The following PLEKHG1 variants were observed in gnomAD, a reference collection of about 807,000 sequenced individuals.
PLEKHG1 encodes the protein pleckstrin homology domain-containing family G member 1.
A neutral mutation model predicts 100.8 loss-of-function variants in PLEKHG1; 44 were observed. The ratio of observed to expected loss-of-function variants is 0.44; its 90% CI spans 0.34 to 0.56. The LOEUF is 0.56. Among genes scored for constraint, PLEKHG1 ranks in the 20% least tolerant of loss-of-function variants. The pLI, the probability that PLEKHG1 is intolerant of heterozygous loss-of-function variation, is 0.01. For missense variants in PLEKHG1, 1,545 were observed against 1,720.9 expected (o/e 0.90, Z 1.81); for synonymous variants, 640 against 662.5 (o/e 0.97, Z 0.52).
chr6:150,817,769 G>A (rs1318540648), intron 10 of PLEKHG1, among the ~76,000 whole-genome samples: 1 of 151,982 alleles, frequency 6.6e-6, no homozygotes, highest in East Asian at 1.9e-4. Flanking sequence ...TATTGGCCAG[G>A]CTGGTCTTGA....
chr6:150,677,810 A>C (rs1779810086), intron 3 of PLEKHG1, among the ~76,000 whole-genome samples: 1 of 151,932 alleles, frequency 6.6e-6, no homozygotes, highest in Non-Finnish European at 1.5e-5. Flanking sequence ...CTGGGAGTTC[A>C]GGGTTACAGT....
intron 3 of PLEKHG1, among the ~76,000 whole-genome samples, chr6:150,702,154 A>C (rs1780814682): frequency 6.6e-6 from 1 of 152,226 alleles, no homozygotes; most frequent in Non-Finnish European, 1.5e-5. Flanking sequence ...CAGAAATACA[A>C]CTGGACAACA....
rs1443041255 is a variant in PLEKHG1 at position 150,670,736 on chromosome 6, ATAATGT to A, written c.-99+19954_-99+19959del. On this transcript the variant is annotated intron_variant, in intron 3 of 3. Coordinates refer to the PLEKHG1 transcript ENST00000367326. ...AGTCCATTTGGCTGAGGGAAATGAC[ATAATGT>A]TAACGCTTATGTTGCTTCTTTTTCT... 4.6e-5 allele frequency among the ~76,000 whole-genome samples: 7 copies of A among 152,326 alleles called. No homozygotes were observed. The East Asian group carries it at 1.3e-3, about 29-fold the overall frequency.
chr6:150,748,487 G>A (rs931814475), intron 2 of PLEKHG1, among the ~76,000 whole-genome samples: 2 of 151,992 alleles, frequency 1.3e-5, no homozygotes, highest in African/African-American at 2.4e-5. Flanking sequence ...TAGGCCATTC[G>A]TAAATATTTG....
intron 3 of PLEKHG1, among the ~76,000 whole-genome samples, chr6:150,652,553 G>A (rs537407674): frequency 2.6e-5 from 4 of 151,654 alleles, no homozygotes; most frequent in South Asian, 2.1e-4. Context: ...AAACCCCGTC[G>A]CTATTAAAAA....
intron 10 of PLEKHG1, among the ~76,000 whole-genome samples, chr6:150,816,789 C>A (rs1775983643): frequency 6.6e-6 from 1 of 152,152 alleles, no homozygotes; most frequent in Admixed American, 6.5e-5. Flanking sequence ...GGTCTCTGTG[C>A]AGTCAAACCT....
Position 150,707,089 on chromosome 6 carries a change from C to T in PLEKHG1, c.-98-26495C>T, listed in dbSNP as rs538146356. 4.9e-5 allele frequency among the ~76,000 whole-genome samples: 7 copies of T among 142,144 alleles called. No individual in the cohort carries two copies. In the East Asian group the frequency reaches 1.6e-3, roughly 32 times the overall value. 93.3% of individuals were successfully genotyped at this position (142,144 alleles called of 152,430 possible). ...GCACAATCTCGGCTACCTGCAACCT[C>T]TGCCTCCCAGGTTCAAGCGATTCTC... On this transcript the variant is annotated intron_variant, in intron 3 of 3. Coordinates refer to the PLEKHG1 transcript ENST00000367326.
At chr6:150,809,110 A>G (rs758693958) in exon 8 of PLEKHG1, 1 of 1,613,302 alleles carries the variant, frequency 6.2e-7, no homozygotes, top group Non-Finnish European at 8.5e-7. Flanking sequence ...CTCAGGAGAT[A>G]CAGAGTTTGC....
exon 16 of PLEKHG1, chr6:150,841,677 A>G (rs1777537689): frequency 6.6e-6 from 1 of 152,238 alleles, no homozygotes; most frequent in South Asian, 2.1e-4. Context: ...ATTAGAAAAG[A>G]TGGGATGACT....
chr6:150,836,335 G>T (rs1013097780), intron 15 of PLEKHG1, among the ~76,000 whole-genome samples: 1 of 152,050 alleles, frequency 6.6e-6, no homozygotes, highest in Non-Finnish European at 1.5e-5. Context: ...CCGAGATTGC[G>T]CCACTGCATT....
intron 1 of PLEKHG1, among the ~76,000 whole-genome samples, chr6:150,637,812 C>T (rs1778073904): frequency 6.6e-6 from 1 of 152,166 alleles, no homozygotes; most frequent in African/African-American, 2.4e-5. Flanking sequence ...TCTTCTCTAG[C>T]TTAGGATATT....
chr6:150,740,544 T>TA (rs1421195847), intron 2 of PLEKHG1, among the ~76,000 whole-genome samples: 1 of 152,228 alleles, frequency 6.6e-6, no homozygotes, highest in Non-Finnish European at 1.5e-5. Flanking sequence ...GGACACTTCT[T>TA]ACAAGGTTCA....
At chr6:150,745,707 CA>C in intron 2 of PLEKHG1, among the ~76,000 whole-genome samples, 1 of 148,858 alleles carries the variant, frequency 6.7e-6, no homozygotes. Context: ...AGCAAAATCA[CA>C]TGCGGAGAAA....
Position 150,809,594 on chromosome 6 carries a change from G to T in PLEKHG1, c.1192-54G>T, listed in dbSNP as rs1476175973. 7 of 1,533,558 alleles carry T rather than the reference G, an allele frequency of 4.6e-6. No individual in the cohort carries two copies. The African/African-American group carries it at 6.8e-5, about 15-fold the overall frequency. The allele number at this position is 1,533,558 out of a possible 1,614,324, so 95.0% of individuals were successfully genotyped here. A position where few individuals can be genotyped will look rare whatever the true frequency, so the allele number is the denominator to read the frequency against. ...TGGTCATTTCCCATCTCATCAGAGG[G>T]TCCTGTGGGTGGTGGAATCAAGTTG... is the stretch of plus-strand genomic sequence containing the variant. On this transcript the variant is annotated intron_variant, in intron 9 of 15. Transcript: ENST00000358517.
At chr6:150,638,134 C>T (rs1778092871) in intron 2 of PLEKHG1, 1 of 152,134 alleles carries the variant, frequency 6.6e-6, no homozygotes, top group South Asian at 2.1e-4. Context: ...AGGTATTGTT[C>T]TTCAAAGATG....
chr6:150,670,579 A>T (rs1779550102), intron 3 of PLEKHG1, among the ~76,000 whole-genome samples: 1 of 152,206 alleles, frequency 6.6e-6, no homozygotes, highest in Admixed American at 6.5e-5. Context: ...GTAATAAAAA[A>T]TGCTTTTGCA....
chr6:150,818,011 G>A (rs1483552381), intron 10 of PLEKHG1, among the ~76,000 whole-genome samples, 172 bp from the exon 12 acceptor site: 2 of 152,224 alleles, frequency 1.3e-5, no homozygotes, highest in East Asian at 1.9e-4. Context: ...CCACTTGAGG[G>A]CGCTCATCTG....
intron 5 of PLEKHG1, among the ~76,000 whole-genome samples, chr6:150,797,403 G>A (rs1786408493): frequency 6.6e-5 from 10 of 152,152 alleles, no homozygotes; most frequent in Admixed American, 5.9e-4. Context: ...ATGTGGTGGT[G>A]TGCACCTGTA....
chr6:150,692,028 G>A (rs1311536132), intron 3 of PLEKHG1, among the ~76,000 whole-genome samples: 1 of 152,214 alleles, frequency 6.6e-6, no homozygotes, highest in Admixed American at 6.5e-5. Context: ...AGGCCTGGGA[G>A]CAGTTTGAGG....
Sources: gnomAD v4.1 joint callset for allele counts (sites outside exome capture counted in the v4.1 genomes callset) on GRCh38, gnomAD v4.1.1 for gene constraint, MANE v1.5 for transcripts, NCBI Gene and HGNC (gene_info 2026-07-23, HGNC 2026-07-21) for gene names.